The following INTS10 variants were observed in gnomAD, a reference collection of about 807,000 sequenced individuals.
The protein encoded by INTS10 is integrator complex subunit 10.
Under a neutral mutation model 94.4 loss-of-function variants are expected in INTS10, and 44 were observed. The ratio of observed to expected loss-of-function variants is 0.47; its 90% CI spans 0.37 to 0.60. The LOEUF (loss-of-function observed/expected upper bound fraction) is 0.60. Among genes scored for constraint, INTS10 ranks in the 20% least tolerant of loss-of-function variants. The pLI is 0.00. For synonymous variants in INTS10, 341 were observed against 320.7 expected (o/e 1.06, Z -0.68); for missense variants, 797 against 868.7 (o/e 0.92, Z 1.04).
chr8:19,847,684 C>T (rs1233803123), intron 16 of INTS10, among the ~76,000 whole-genome samples: 2 of 152,184 alleles, frequency 1.3e-5, no homozygotes, highest in Non-Finnish European at 2.9e-5. Context: ...AGTTGAACCT[C>T]AGACTTCATT....
chr8:19,829,861 T>C (rs2067095780), intron 9 of INTS10, among the ~76,000 whole-genome samples: 1 of 152,076 alleles, frequency 6.6e-6, no homozygotes, highest in Admixed American at 6.5e-5. Context: ...AGAGACTGGG[T>C]TTCGCCATGT....
intron 12 of INTS10, among the ~76,000 whole-genome samples, chr8:19,834,035 C>T (rs978116757): frequency 6.6e-5 from 10 of 151,602 alleles, no homozygotes; most frequent in Non-Finnish European, 1.0e-4. Context: ...GTGATAATAC[C>T]CAATAGGGGC....
chr8:19,817,549 G>C lies in INTS10; in HGVS notation c.12G>C (p.Gln4His), dbSNP rs1316511616. The C allele has an allele frequency of 6.2e-7, 1 of 1,608,184 alleles. No homozygotes were observed. Among genetic ancestry groups the C allele is most frequent in the East Asian group, 2.2e-5 (1 of 44,736 alleles). MSA[Q>H]GDCEFLVQRA... ...AGAGCGCTCGGGTCATGTCTGCCCA[G>C]GGGGACTGCGAGTTCCTGGTGCAGC... The change falls in exon 1 of 17, where the codon CAG becomes CAC. Residue 4 changes from glutamine to histidine, a missense_variant. Physicochemically the swap from Gln to His is conservative, Grantham distance 24 (BLOSUM62 0). This residue lies in a region of INTS10 where 734 missense variants were observed against 787.8 expected (regional missense o/e 0.93). Coordinates refer to ENST00000397977, the MANE Select transcript of INTS10 (RefSeq NM_018142.4).
At chr8:19,827,658 G>A (rs1030073578) in intron 9 of INTS10, among the ~76,000 whole-genome samples, 1 of 152,064 alleles carries the variant, frequency 6.6e-6, no homozygotes. Flanking sequence ...CTGGTCCAGC[G>A]GTTCTTCCTT....
intron 2 of INTS10, among the ~76,000 whole-genome samples, chr8:19,819,309 T>G (rs910305824): frequency 2.0e-5 from 3 of 152,252 alleles, no homozygotes; most frequent in Non-Finnish European, 2.9e-5. Context: ...ATAGTTTGTT[T>G]TATTCTTGTT....
At chr8:19,833,058 G>T (rs1193783758) in intron 11 of INTS10, 111 bp from the exon 12 acceptor site, 6 of 855,156 alleles carry the variant, frequency 7.0e-6, no homozygotes, top group East Asian at 5.8e-5. Flanking sequence ...CCAAGCTACC[G>T]TCTTTGTATA....
intron 13 of INTS10, among the ~76,000 whole-genome samples, chr8:19,840,222 A>T (rs1340130256): frequency 6.6e-6 from 1 of 152,204 alleles, no homozygotes; most frequent in East Asian, 1.9e-4. Context: ...GGTAAATTTA[A>T]TGAAAGATAT....
intron 8 of INTS10, among the ~76,000 whole-genome samples, chr8:19,826,045 T>C (rs986221623): frequency 2.0e-5 from 3 of 152,182 alleles, no homozygotes; most frequent in African/African-American, 7.2e-5. Context: ...TTCTCCCTTA[T>C]TTTAAGAATT....
rs191160124 is a variant in INTS10, at chr8:19,820,033, G to T, written c.302-346G>T. On this transcript the variant is annotated intron_variant, in intron 3 of 16. Transcript: ENST00000397977. ...CTGTATGTTGCTGTAGTCAATCAAA[G>T]ATTTCAAACTCTAGATAAAATAGCA... 2.5e-4 allele frequency among the ~76,000 whole-genome samples: 38 copies of T among 152,296 alleles called. 2 individuals carry two copies. In the East Asian group the frequency reaches 6.9e-3, roughly 28 times the overall value.
At chr8:19,818,042 G>A (rs2066074429) in intron 1 of INTS10, among the ~76,000 whole-genome samples, 1 of 152,168 alleles carries the variant, frequency 6.6e-6, no homozygotes, top group South Asian at 2.1e-4. Flanking sequence ...TTCAGGGCCT[G>A]CGACTTTGGA....
chr8:19,844,249 T>A lies in INTS10; in HGVS notation c.1882+11T>A. On this transcript the variant is annotated intron_variant, in intron 15 of 16. Coordinates refer to ENST00000397977, the MANE Select transcript of INTS10 (RefSeq NM_018142.4). ...TCAATTACGTTACAAGTATCCTTTT[T>A]TCTTGTTTAAGCATAACACATTCTG... is the stretch of plus-strand genomic sequence containing the variant. The A allele has an allele frequency of 6.3e-7, 1 of 1,582,300 alleles. No individual in the cohort carries two copies.
In INTS10 at chr8:19,851,149, G is replaced by A. The variant is rs991039058; in HGVS notation, c.1977-500G>A. ...CGTGCTTGTGACCCCGGCTGTGCAGGAGCCCTGAACCTTTCTGGGAGCACC... is the reference window on the plus strand; with the variant it reads ...CGTGCTTGTGACCCCGGCTGTGCAGAAGCCCTGAACCTTTCTGGGAGCACC... On this transcript the variant is annotated intron_variant, in intron 16 of 16. Coordinates refer to ENST00000397977, the MANE Select transcript of INTS10 (RefSeq NM_018142.4). This position sits in a 1 kb window ranked among gnomAD's most constrained non-coding sequence, Gnocchi z 5.0. Among the ~76,000 whole-genome samples, 2 of 152,308 alleles carry A rather than the reference G, an allele frequency of 1.3e-5. No homozygotes were observed. Among genetic ancestry groups the A allele is most frequent in the East Asian group, 3.9e-4 (2 of 5,174 alleles).
intron 16 of INTS10, among the ~76,000 whole-genome samples, chr8:19,850,904 C>G (rs1244183711): frequency 6.6e-6 from 1 of 152,160 alleles, no homozygotes; most frequent in Non-Finnish European, 1.5e-5. Flanking sequence ...TCCCCACCAC[C>G]CCTTCCACAC....
At position 19,817,627 on chromosome 8, in the gene INTS10, C is replaced by G; in HGVS notation, c.90C>G (p.Ile30Met). ...TGTGGGCAGCCAAGGCGTGGCTGAT[C>G]ACGGCCCGCAGCCTCTACCCGGCAG... ...QDLWAAKAWLITARSLYPADF... is the reference protein window; with the variant it reads ...QDLWAAKAWLMTARSLYPADF... The change falls in exon 1 of 17, where the codon ATC becomes ATG. Residue 30 changes from isoleucine (I) to methionine (M), a missense_variant. Around this residue, in one of 3 missense-constraint regions of INTS10, gnomAD observed 734 missense variants for 787.8 expected, o/e 0.93. Transcript: ENST00000397977. The G allele has an allele frequency of 1.2e-6, 2 of 1,607,354 alleles. No homozygotes were observed. Among genetic ancestry groups the G allele is most frequent in the Non-Finnish European group, 1.7e-6 (2 of 1,177,692 alleles).
intron 3 of INTS10, among the ~76,000 whole-genome samples, chr8:19,819,892 A>C (rs1374369054): frequency 6.6e-6 from 1 of 152,236 alleles, no homozygotes; most frequent in Non-Finnish European, 1.5e-5. Context: ...ACGAGGAATT[A>C]ATTGTATATA....
rs763590772 is a variant in INTS10, at chr8:19,817,686, T to C, written c.129+20T>C. The C allele has an allele frequency of 5.6e-6, 9 of 1,596,708 alleles. No individual in the cohort carries two copies. Among genetic ancestry groups the C allele is most frequent in the South Asian group, 1.1e-5 (1 of 88,826 alleles). On this transcript the variant is annotated intron_variant, in intron 1 of 16. Transcript: ENST00000397977. Reference sequence around the variant, plus strand: ...ATCCAGGTGAGGTCCCGGCTGTGCATGCGGCCGCTCTGCGTGGAGGTGCGC... The same window carrying C: ...ATCCAGGTGAGGTCCCGGCTGTGCACGCGGCCGCTCTGCGTGGAGGTGCGC...
At chr8:19,818,011 C>A (rs552253205) in intron 1 of INTS10, among the ~76,000 whole-genome samples, 1 of 152,280 alleles carries the variant, frequency 6.6e-6, no homozygotes, top group Non-Finnish European at 1.5e-5. Flanking sequence ...CTCCTTCATT[C>A]ATCATAATGG....
At chr8:19,834,965 G>C (rs1317195466) in intron 12 of INTS10, among the ~76,000 whole-genome samples, 1 of 152,122 alleles carries the variant, frequency 6.6e-6, no homozygotes, top group African/African-American at 2.4e-5. Flanking sequence ...CCATTCATGA[G>C]GGTTTTGCTC....
At chr8:19,833,825 T>C (rs1158181014) in intron 12 of INTS10, among the ~76,000 whole-genome samples, 1 of 152,012 alleles carries the variant, frequency 6.6e-6, no homozygotes, top group African/African-American at 2.4e-5. Context: ...CTGGCCAACA[T>C]GGTGAAACCC....
Sources: gnomAD v4.1 joint callset for allele counts (sites outside exome capture counted in the v4.1 genomes callset) on GRCh38, gnomAD v4.1.1 for gene constraint, gnomAD v4.1.1 regional missense constraint, Gnocchi (gnomAD v3.1) non-coding constraint, MANE v1.5 for transcripts, NCBI Gene and HGNC (gene_info 2026-07-23, HGNC 2026-07-21) for gene names.